Variants in MIPEP observed in about 807,000 individuals in gnomAD.
The protein encoded by MIPEP is mitochondrial intermediate peptidase.
MIPEP carries 79 observed loss-of-function variants against 90.3 expected under a neutral mutation model. The ratio of observed to expected loss-of-function variants is 0.87; its 90% confidence interval spans 0.73 to 1.05. The LOEUF (loss-of-function observed/expected upper bound fraction) is 1.05, where lower values mean the gene tolerates loss of function less well. MIPEP is among the 50% of genes least tolerant of loss of function. The probability of loss-of-function intolerance (pLI) is 0.00; values close to 1 mark genes in which losing one functional copy is unlikely to be tolerated. For missense variants in MIPEP, 940 were observed against 905.6 expected (o/e 1.04, Z -0.49); for synonymous variants, 334 against 315.8 (o/e 1.06, Z -0.61).
At chr13:23,888,378 A>T (rs1871610039) in intron 1 of MIPEP, among the ~76,000 whole-genome samples, 1 of 152,224 alleles carries the variant, frequency 6.6e-6, no homozygotes, top group Non-Finnish European at 1.5e-5. Flanking sequence ...GCAATACAGT[A>T]TAACGAAATT....
chr13:23,745,563 T>G (rs957619019), intron 18 of MIPEP, among the ~76,000 whole-genome samples: 2 of 152,162 alleles, frequency 1.3e-5, no homozygotes, highest in Non-Finnish European at 2.9e-5. Flanking sequence ...AATTCATCAG[T>G]GTATTGCCAA....
At chr13:23,745,818 C>T (rs191064419) in intron 18 of MIPEP, among the ~76,000 whole-genome samples, 37 of 151,916 alleles carry the variant, frequency 2.4e-4, no homozygotes, top group African/African-American at 8.2e-4. Context: ...ATCCCAGCTA[C>T]AGTCAGGAGG....
At chr13:23,756,308 C>T in intron 18 of MIPEP, 1 of 434,644 alleles carries the variant, frequency 2.3e-6, no homozygotes, top group Non-Finnish European at 4.2e-6. Context: ...GCGTCTGCCA[C>T]CACGCCCAGC....
chr13:23,796,341 G>A (rs866386159), intron 16 of MIPEP, among the ~76,000 whole-genome samples: 4 of 152,096 alleles, frequency 2.6e-5, no homozygotes, highest in South Asian at 2.1e-4. Flanking sequence ...TGCTTGAACC[G>A]GGGAGGCAGA....
At chr13:23,815,354 A>G (rs530977501) in intron 14 of MIPEP, among the ~76,000 whole-genome samples, 4 of 150,186 alleles carry the variant, frequency 2.7e-5, no homozygotes, top group African/African-American at 9.8e-5. Context: ...CTCGCTGTGT[A>G]GCCCAGGCTG....
At chr13:23,785,158 T>G (rs1177636633) in intron 16 of MIPEP, among the ~76,000 whole-genome samples, 1 of 152,220 alleles carries the variant, frequency 6.6e-6, no homozygotes, top group Non-Finnish European at 1.5e-5. Context: ...CAGAGGATTA[T>G]AAATCATGCT....
intron 16 of MIPEP, 22 bp downstream of exon 16, chr13:23,805,928 A>G: frequency 3.1e-6 from 5 of 1,612,638 alleles, no homozygotes; most frequent in Non-Finnish European, 4.2e-6. Flanking sequence ...TACACAAAAC[A>G]GAAGCCAAAT....
intron 10 of MIPEP, among the ~76,000 whole-genome samples, chr13:23,847,606 CTG>C (rs1267337133): frequency 6.6e-6 from 1 of 152,052 alleles, no homozygotes; most frequent in Non-Finnish European, 1.5e-5. Context: ...ATAAACCAGA[CTG>C]TAGCTATTAG....
intron 16 of MIPEP, among the ~76,000 whole-genome samples, chr13:23,797,300 C>T (rs1952973197): frequency 6.6e-6 from 1 of 152,136 alleles, no homozygotes; most frequent in Non-Finnish European, 1.5e-5. Flanking sequence ...ACAGAGCTCC[C>T]ACCTTGCTCT....
intron 5 of MIPEP, among the ~76,000 whole-genome samples, chr13:23,873,183 T>C (rs1191316710): frequency 2.6e-5 from 4 of 152,200 alleles, no homozygotes; most frequent in Non-Finnish European, 4.4e-5. Context: ...CAGGGAAACC[T>C]GGTGAGCAGG....
At chr13:23,771,568 CAT>C (rs1555232428) in intron 16 of MIPEP, among the ~76,000 whole-genome samples, 28 of 150,150 alleles carry the variant, frequency 1.9e-4, no homozygotes, top group African/African-American at 6.2e-4. Context: ...CACACACACA[CAT>C]CTGCATTTCT....
At chr13:23,806,443 C>T (rs1414646053) in intron 15 of MIPEP, among the ~76,000 whole-genome samples, 9 of 151,978 alleles carry the variant, frequency 5.9e-5, no homozygotes, top group East Asian at 1.9e-4. Flanking sequence ...TTTGGGAGGC[C>T]GAGGCGGGAG....
intron 16 of MIPEP, among the ~76,000 whole-genome samples, chr13:23,764,524 G>A (rs548671070): frequency 2.7e-4 from 41 of 152,250 alleles, no homozygotes; most frequent in African/African-American, 9.6e-4. Flanking sequence ...TGCTAGATAT[G>A]GAATAACGGA....
rs1270529474 is a variant in MIPEP at position 23,767,642 on chromosome 13, C to T, written c.1849-7425G>A. ...AATTTTTTTGTATTTTTAGTAGAGA[C>T]GGGGTTTCACTATGTTGGCCAGGCT... On this transcript the variant is annotated intron_variant, in intron 16 of 18. Coordinates refer to ENST00000382172, the MANE Select transcript of MIPEP (RefSeq NM_005932.4). 1.6e-4 allele frequency among the ~76,000 whole-genome samples: 24 copies of T among 152,016 alleles called. No individual in the cohort carries two copies. The East Asian group carries it at 2.3e-3, about 15-fold the overall frequency.
intron 13 of MIPEP, 127 bp downstream of exon 13, chr13:23,837,425 C>A: frequency 4.2e-6 from 3 of 710,384 alleles, no homozygotes; most frequent in East Asian, 2.5e-5. Flanking sequence ...ATGAGGCAAT[C>A]TGAGATAAAG....
chr13:23,889,086 T>G, intron 1 of MIPEP, 46 bp downstream of exon 1: 1 of 1,362,132 alleles, frequency 7.3e-7, no homozygotes, highest in South Asian at 1.7e-5. Context: ...GGAGCAGGGG[T>G]CGGCTTAGCT....
chr13:23,857,302 A>G (rs1280104652), intron 10 of MIPEP, among the ~76,000 whole-genome samples: 1 of 152,218 alleles, frequency 6.6e-6, no homozygotes, highest in Non-Finnish European at 1.5e-5. Context: ...ATAACAGTTT[A>G]TGTGTTTTCA....
intron 18 of MIPEP, among the ~76,000 whole-genome samples, chr13:23,730,965 C>T (rs944407481): frequency 7.9e-5 from 12 of 152,144 alleles, no homozygotes; most frequent in African/African-American, 2.7e-4. Context: ...AACTGTGTAA[C>T]GCAGAAGTCA....
chr13:23,812,915 A>C (rs1953190854), intron 14 of MIPEP, among the ~76,000 whole-genome samples: 1 of 152,240 alleles, frequency 6.6e-6, no homozygotes, highest in South Asian at 2.1e-4. Flanking sequence ...CTAGTAGAAT[A>C]GTGCAGAGGA....
Sources: allele counts gnomAD v4.1 joint callset (sites outside exome capture counted in the v4.1 genomes callset), GRCh38; gene constraint gnomAD v4.1.1; transcripts MANE v1.5; gene names NCBI Gene and HGNC (gene_info 2026-07-23, HGNC 2026-07-21).